Variants in SEC23A observed in about 807,000 individuals in gnomAD.
SEC23A encodes protein transport protein Sec23A.
SEC23A carries 56 observed loss-of-function variants against 103.7 expected under a neutral mutation model. The observed-to-expected ratio is 0.54, with a 90% CI of 0.44 to 0.67. The LOEUF is 0.67. Ranked by LOEUF, SEC23A falls within the 30% of genes least tolerant of loss-of-function variation. The pLI, the probability that SEC23A is intolerant of heterozygous loss-of-function variation, is 0.00. For missense variants in SEC23A, 784 were observed against 936.4 expected (o/e 0.84, Z 2.12); for synonymous variants, 281 against 293.0 (o/e 0.96, Z 0.42).
chr14:39,072,659 T>A (rs1886877726), intron 9 of SEC23A, among the ~76,000 whole-genome samples: 1 of 151,936 alleles, frequency 6.6e-6, no homozygotes, highest in African/African-American at 2.4e-5. Flanking sequence ...AAAAAAGTAT[T>A]AATAATTAGC....
intron 9 of SEC23A, among the ~76,000 whole-genome samples, chr14:39,069,324 C>G (rs1476369039): frequency 6.6e-6 from 1 of 152,150 alleles, no homozygotes; most frequent in African/African-American, 2.4e-5. Flanking sequence ...CTCTCCAACG[C>G]CTTCCCATCT....
At chr14:39,044,387 A>G (rs1885758777) in intron 16 of SEC23A, among the ~76,000 whole-genome samples, 1 of 152,196 alleles carries the variant, frequency 6.6e-6, no homozygotes, top group South Asian at 2.1e-4. Context: ...TATATTTCCT[A>G]GAAAAATAGA....
At chr14:39,069,805 A>G (rs149448004) in intron 9 of SEC23A, among the ~76,000 whole-genome samples, 13 of 152,150 alleles carry the variant, frequency 8.5e-5, no homozygotes, top group Middle Eastern at 3.4e-3. Flanking sequence ...CTCACTTGGA[A>G]CACTCTTACT....
chr14:39,072,092 T>G (rs186439784), intron 9 of SEC23A, among the ~76,000 whole-genome samples: 80 of 151,612 alleles, frequency 5.3e-4, no homozygotes, highest in African/African-American at 1.9e-3. Flanking sequence ...AATAGTCGGG[T>G]GTGGTGGTGC....
chr14:39,066,492 A>T (rs1432781176), intron 10 of SEC23A, among the ~76,000 whole-genome samples: 14 of 141,614 alleles, frequency 9.9e-5, no homozygotes, highest in South Asian at 2.2e-4. Context: ...TTTTTTTTTA[A>T]AAAAAACAGT....
At chr14:39,091,032 G>A in intron 5 of SEC23A, 1 of 390,446 alleles carries the variant, frequency 2.6e-6, no homozygotes, top group South Asian at 2.1e-5. Context: ...CTGAGGAAAA[G>A]AAAGTGGAAA....
intron 16 of SEC23A, 114 bp from the exon 17 acceptor site, chr14:39,042,986 TA>T (rs961699752): frequency 1.2e-5 from 9 of 732,464 alleles, no homozygotes; most frequent in African/African-American, 5.4e-5. Context: ...TTTATTTATT[TA>T]TTTTTTTGGA....
At chr14:39,073,933 A>T (rs1270767103) in intron 9 of SEC23A, among the ~76,000 whole-genome samples, 2 of 152,078 alleles carry the variant, frequency 1.3e-5, no homozygotes, top group African/African-American at 2.4e-5. Flanking sequence ...TAAAATACCC[A>T]GAACAGGCAA....
At chr14:39,061,280 G>A (rs934219370) in intron 13 of SEC23A, among the ~76,000 whole-genome samples, 3 of 151,726 alleles carry the variant, frequency 2.0e-5, no homozygotes, top group East Asian at 1.9e-4. Flanking sequence ...GTACGTTCAC[G>A]GCTTCCGCAT....
intron 1 of SEC23A, among the ~76,000 whole-genome samples, chr14:39,097,036 G>C (rs749810539): frequency 3.9e-5 from 6 of 152,152 alleles, no homozygotes; most frequent in Non-Finnish European, 8.8e-5. Context: ...ATATCATTTA[G>C]ACTCTTTTGC....
At chr14:39,060,477 T>C (rs1251024270) in intron 13 of SEC23A, among the ~76,000 whole-genome samples, 1 of 152,206 alleles carries the variant, frequency 6.6e-6, no homozygotes, top group African/African-American at 2.4e-5. Flanking sequence ...TCCTTGTCCA[T>C]TGTCGAGACC....
Position 39,091,590 on chromosome 14 carries a change from C to T in SEC23A, c.490G>A (p.Val164Ile). 2 of 1,613,974 alleles carry T rather than the reference C, an allele frequency of 1.2e-6. No homozygotes were observed. Among genetic ancestry groups the T allele is most frequent in the East Asian group, 2.2e-5 (1 of 44,838 alleles). ...ATTCTCCCAAAAGTAATAAGTCCAACCAAAGCTGTAGGTGGTAAAAGACTT... is the reference window on the plus strand; with the variant it reads ...ATTCTCCCAAAAGTAATAAGTCCAATCAAAGCTGTAGGTGGTAAAAGACTT... ...SLSLLPPTAL[V>I]GLITFGRMVQ... Residue 164 changes from valine to isoleucine, a missense_variant, in exon 5 of 20, where the codon GTT (valine) becomes ATT (isoleucine). Coordinates refer to ENST00000307712, the MANE Select transcript of SEC23A (RefSeq NM_006364.4).
At chr14:39,063,199 T>C (rs1886536951) in intron 12 of SEC23A, 125 bp downstream of exon 12, 1 of 621,348 alleles carries the variant, frequency 1.6e-6, no homozygotes, top group African/African-American at 1.8e-5. Flanking sequence ...TAAATTCCAA[T>C]ACAGAAAATA....
intron 13 of SEC23A, among the ~76,000 whole-genome samples, chr14:39,058,401 G>C (rs56333870): frequency 0.024 from 3,704 of 152,030 alleles, 60 homozygotes; most frequent in Middle Eastern, 0.085. Context: ...TCCGCTTCCC[G>C]GGTTCACGCC....
chr14:39,071,180 T>C (rs948926599), intron 9 of SEC23A, among the ~76,000 whole-genome samples: 1 of 152,160 alleles, frequency 6.6e-6, no homozygotes, highest in Non-Finnish European at 1.5e-5. Flanking sequence ...AAGGAAGAAG[T>C]AAAACAATAC....
At chr14:39,096,236 A>T (rs1053034144) in intron 1 of SEC23A, 97 bp from the exon 2 acceptor site, 11 of 848,410 alleles carry the variant, frequency 1.3e-5, no homozygotes, top group African/African-American at 1.0e-4. Flanking sequence ...TTAACACCTT[A>T]GAAATCAGGA....
chr14:39,063,180 C>A, intron 12 of SEC23A, 144 bp downstream of exon 12: 1 of 562,668 alleles, frequency 1.8e-6, no homozygotes, highest in Non-Finnish European at 3.1e-6. Flanking sequence ...AAATAAAAAA[C>A]GACAAATATA....
Position 39,067,182 on chromosome 14 carries a change from T to C in SEC23A, c.1218A>G (p.Leu406=). The C allele has an allele frequency of 6.2e-7, 1 of 1,613,840 alleles. No homozygotes were observed. Among genetic ancestry groups the C allele is most frequent in the Admixed American group, 1.7e-5 (1 of 60,028 alleles). Residue 406 remains leucine, a synonymous_variant, in exon 10 of 20, where the codon CTA becomes CTG. Coordinates refer to ENST00000307712, the MANE Select transcript of SEC23A (RefSeq NM_006364.4). The stretch of plus-strand genomic sequence containing the variant: ...AAGTTTTGGTTCTTACCTTTATTTC[T>C]AGCGTACCACCAAAGCCCATTTTAA... The part of the protein sequence containing the change: ...GQFKMGFGGT[L]EIKTSREIKI...
chr14:39,079,254 CA>C (rs961829816), intron 7 of SEC23A, among the ~76,000 whole-genome samples: 1 of 151,532 alleles, frequency 6.6e-6, no homozygotes, highest in Non-Finnish European at 1.5e-5. Context: ...TTATAAGAAA[CA>C]AAAGAGCAAC....
Sources: allele counts gnomAD v4.1 joint callset (sites outside exome capture counted in the v4.1 genomes callset), GRCh38; gene constraint gnomAD v4.1.1; transcripts MANE v1.5; gene names NCBI Gene and HGNC (gene_info 2026-07-23, HGNC 2026-07-21).